Variants in ABHD14B observed in about 807,000 individuals in gnomAD.
The protein encoded by ABHD14B is putative protein-lysine deacylase ABHD14B.
A neutral mutation model predicts 15.4 loss-of-function variants in ABHD14B; 19 were observed. That is an observed-to-expected ratio of 1.23 (90% CI 0.86 to 1.81). The LOEUF is 1.81. Ranked by LOEUF, ABHD14B falls within the 40% of genes most tolerant of loss-of-function variation. The pLI is 0.00. For missense variants in ABHD14B, 243 were observed against 267.0 expected, an observed-to-expected ratio of 0.91 and a Z score of 0.63; for synonymous variants, 92 against 117.3, an observed-to-expected ratio of 0.78 and a Z score of 1.39.
chr3:51,971,436 C>A, intron 2 of ABHD14B, 24 bp downstream of exon 2: 2 of 1,537,756 alleles, frequency 1.3e-6, no homozygotes, highest in Non-Finnish European at 1.8e-6. Context: ...CCAAACCCTG[C>A]CCAGAAGCCT....
intron 1 of ABHD14B, chr3:51,971,965 C>T (rs1559772061): frequency 1.8e-6 from 1 of 561,464 alleles, no homozygotes; most frequent in Non-Finnish European, 2.5e-6. Context: ...AAATTATCGG[C>T]CAGGCATGGT....
chr3:51,969,297 A>G lies in ABHD14B; in HGVS notation c.*129T>C, dbSNP rs1700601086. 2.8e-6 allele frequency: 3 copies of G among 1,087,996 alleles called. No individual in the cohort carries two copies. Among genetic ancestry groups the G allele is most frequent in the East Asian group, 4.9e-5 (2 of 40,530 alleles). 67.4% of individuals were successfully genotyped at this position (1,087,996 alleles called of 1,614,324 possible). A position where few individuals can be genotyped will look rare whatever the true frequency, so the allele number is the denominator to read the frequency against. On this transcript the variant is annotated 3_prime_UTR_variant, in exon 4 of 4. Transcript: ENST00000361143. ...AAAAGACAAACAGACCACAAAAGAC[A>G]AGAACCCAGACATATAGACAGACGC...
chr3:51,970,573 G>A (rs1346455822), intron 2 of ABHD14B: 1 of 482,228 alleles, frequency 2.1e-6, no homozygotes, highest in East Asian at 6.1e-5. Flanking sequence ...TGCCATTTAA[G>A]ATTGTTGTGA....
At chr3:51,970,623 CAA>C (rs1252169516) in intron 2 of ABHD14B, 2 of 459,916 alleles carry the variant, frequency 4.3e-6, no homozygotes, top group South Asian at 1.5e-5. Context: ...TGGATTGGGA[CAA>C]GAGAGGCTCC....
intron 1 of ABHD14B, 200 bp downstream of exon 1, chr3:51,973,765 G>A (rs1030090272): frequency 2.6e-6 from 3 of 1,167,622 alleles, no homozygotes; most frequent in African/African-American, 3.2e-5. Context: ...CTGCCACCTG[G>A]GGCCCAACGC....
At chr3:51,971,965 C>G in intron 1 of ABHD14B, 1 of 561,464 alleles carries the variant, frequency 1.8e-6, no homozygotes, top group South Asian at 3.7e-5. Context: ...AAATTATCGG[C>G]CAGGCATGGT....
At chr3:51,969,654 T>C (rs1577708127) in intron 3 of ABHD14B, 49 bp from the exon 4 acceptor site, 2 of 1,569,754 alleles carry the variant, frequency 1.3e-6, no homozygotes, top group African/African-American at 1.3e-5. Context: ...GGACCTGCCA[T>C]AGCATCCCCA....
intron 1 of ABHD14B, among the ~76,000 whole-genome samples, chr3:51,972,356 G>C (rs1056238475): frequency 6.6e-6 from 1 of 151,302 alleles, no homozygotes; most frequent in Non-Finnish European, 1.5e-5. Flanking sequence ...GATCACCTGA[G>C]GTCAGGAGTT....
At position 51,970,031 on chromosome 3, in the gene ABHD14B, G is replaced by T. The variant is rs774861827; in HGVS notation, c.365C>A (p.Thr122Lys). Residue 122 changes from threonine to lysine, a missense_variant, in exon 3 of 4, where the codon ACG (threonine) becomes AAG (lysine). Thr to Lys is a moderately conservative substitution (Grantham distance 78). Transcript: ENST00000361143. ...LSGMYSLPFLTAPGSQLPGFV... is the reference protein window; with the variant it reads ...LSGMYSLPFLKAPGSQLPGFV... Reference sequence around the variant, plus strand: ...GCCCGGGAGCTGGGAGCCAGGGGCCGTGAGGAAGGGCAGGGAGTACATGCC... The same window carrying T: ...GCCCGGGAGCTGGGAGCCAGGGGCCTTGAGGAAGGGCAGGGAGTACATGCC... 1.9e-6 allele frequency: 3 copies of T among 1,614,000 alleles called. No homozygotes were observed. The highest frequency in any genetic ancestry group is 3.3e-5 in the Admixed American group (2 of 60,002).
At chr3:51,969,673 C>T in intron 3 of ABHD14B, 68 bp from the exon 4 acceptor site, 1 of 1,544,150 alleles carries the variant, frequency 6.5e-7, no homozygotes, top group Non-Finnish European at 8.8e-7. Context: ...CAGCCCTCCC[C>T]ACTTCAGTCT....
chr3:51,969,641 C>T (rs749146492), intron 3 of ABHD14B, 36 bp from the exon 4 acceptor site: 9 of 1,584,900 alleles, frequency 5.7e-6, no homozygotes, highest in African/African-American at 2.7e-5. Flanking sequence ...GCAGAGTCAA[C>T]AGGGACCTGC....
intron 3 of ABHD14B, 116 bp from the exon 4 acceptor site, chr3:51,969,721 C>T: frequency 7.0e-7 from 1 of 1,437,996 alleles, no homozygotes; most frequent in South Asian, 1.3e-5. Context: ...GAGAGACAAG[C>T]TGGCCCAGTG....
At chr3:51,971,425 C>T (rs1700651102) in intron 2 of ABHD14B, 35 bp downstream of exon 2, 3 of 1,517,288 alleles carry the variant, frequency 2.0e-6, no homozygotes, top group Admixed American at 4.4e-5. Flanking sequence ...ATGAGACCTC[C>T]CCAAACCCTG....
upstream of ABHD14B, chr3:51,974,190 T>G (rs988186042): frequency 3.7e-6 from 2 of 545,898 alleles, no homozygotes; most frequent in East Asian, 6.9e-5. Flanking sequence ...CGGTCTCACA[T>G]GCCCCAAACG....
chr3:51,971,823 G>A, intron 1 of ABHD14B, 125 bp from the exon 2 acceptor site: 1 of 1,414,784 alleles, frequency 7.1e-7, no homozygotes, highest in Non-Finnish European at 9.2e-7. Flanking sequence ...TTGGGGTCAG[G>A]AGGACATAGG....
chr3:51,969,036 T>G lies in ABHD14B; in HGVS notation c.*390A>C. The G allele has an allele frequency of 5.5e-6, 1 of 181,866 alleles. No homozygotes were observed. The highest frequency in any genetic ancestry group is 5.7e-5 in the Admixed American group (1 of 17,628). The allele number at this position is 181,866 out of a possible 1,614,324, so 11.3% of individuals were successfully genotyped here. On this transcript the variant is annotated 3_prime_UTR_variant, in exon 4 of 4. Transcript: ENST00000361143. ...TGTATGTATCTGGGGCCTAAGGAGG[T>G]GGGGAAGTGGGTGTTGGGGTAAGGG...
chr3:51,973,316 C>T (rs1043824264), intron 1 of ABHD14B, among the ~76,000 whole-genome samples: 6 of 151,756 alleles, frequency 4.0e-5, no homozygotes, highest in Non-Finnish European at 7.4e-5. Flanking sequence ...TCCCAAAGTG[C>T]TGGGATTACA....
chr3:51,974,243 C>T (rs566701665), upstream of ABHD14B: 4 of 362,100 alleles, frequency 1.1e-5, no homozygotes, highest in East Asian at 1.5e-4. Context: ...ACCTGCCCCA[C>T]ATGGACATGG....
At chr3:51,969,859 A>G in intron 3 of ABHD14B, 84 bp downstream of exon 3, 1 of 1,610,206 alleles carries the variant, frequency 6.2e-7, no homozygotes, top group Non-Finnish European at 8.5e-7. Flanking sequence ...CCCCTTGATT[A>G]TCCAGCCCCC....
Sources: allele counts gnomAD v4.1 joint callset (sites outside exome capture counted in the v4.1 genomes callset), GRCh38; gene constraint gnomAD v4.1.1; transcripts MANE v1.5; gene names NCBI Gene and HGNC (gene_info 2026-07-23, HGNC 2026-07-21).